Variants in FREM2 observed in about 807,000 individuals in gnomAD.
FREM2 encodes FRAS1-related extracellular matrix protein 2.
FREM2 carries 119 observed loss-of-function variants against 219.9 expected under a neutral mutation model. The observed-to-expected ratio is 0.54, with a 90% CI of 0.47 to 0.63. The LOEUF (loss-of-function observed/expected upper bound fraction) is 0.63. FREM2 is among the 30% of genes least tolerant of loss of function. The probability of loss-of-function intolerance (pLI) is 0.00; values close to 1 mark genes in which losing one functional copy is unlikely to be tolerated. For missense variants in FREM2, 4,030 were observed against 3,993.6 expected (o/e 1.01, Z -0.25); for synonymous variants, 1,562 against 1,522.8 (o/e 1.03, Z -0.60).
chr13:38,882,050 C>T lies in FREM2; in HGVS notation c.*1263C>T, dbSNP rs748335593. ...AGTGAACTGGTACAATGTGGTCCCT[C>T]TCAATATTTAAAAATATAATTTGTA... is the stretch of plus-strand genomic sequence containing the variant. On this transcript the variant is annotated 3_prime_UTR_variant, in exon 24 of 24. Transcript: ENST00000280481. 6.6e-6 allele frequency: 1 copy of T among 152,096 alleles called. No homozygotes were observed. Among genetic ancestry groups the T allele is most frequent in the African/African-American group, 2.4e-5 (1 of 41,416 alleles). The allele number at this position is 152,096 out of a possible 1,614,324, so 9.4% of individuals were successfully genotyped here.
chr13:38,848,213 C>T (rs925463563), intron 7 of FREM2, among the ~76,000 whole-genome samples: 4 of 152,076 alleles, frequency 2.6e-5, no homozygotes, highest in African/African-American at 9.7e-5. Context: ...GCACAGAAAG[C>T]TAAAATAATG....
chr13:38,752,936 T>C (rs991019952), intron 2 of FREM2, among the ~76,000 whole-genome samples: 58 of 152,204 alleles, frequency 3.8e-4, no homozygotes, highest in African/African-American at 1.4e-3. Flanking sequence ...ACAAAAGGAA[T>C]TAGGCTCTGG....
chr13:38,689,958 C>A lies in FREM2; in HGVS notation c.2614C>A (p.Pro872Thr), dbSNP rs755779564. 6.2e-7 allele frequency: 1 copy of A among 1,614,118 alleles called. No individual in the cohort carries two copies. The highest frequency in any genetic ancestry group is 1.1e-5 in the South Asian group (1 of 91,078). ...AHISFTLTQA[P>T]KHGHMRVSGQ... ...TATCTCTTTCACTCTCACTCAGGCA[C>A]CCAAACATGGCCACATGAGAGTGTC... The change falls in exon 1 of 24, where the codon CCC becomes ACC. Residue 872 changes from proline to threonine, a missense_variant. This residue lies in a region of FREM2 where 3,102 missense variants were observed against 2,950.7 expected (regional missense o/e 1.05). Transcript: ENST00000280481.
intron 6 of FREM2, among the ~76,000 whole-genome samples, chr13:38,794,156 A>C (rs557620534): frequency 2.0e-5 from 3 of 152,284 alleles, no homozygotes; most frequent in South Asian, 4.1e-4. Context: ...GAGACCTGCA[A>C]AAGTGGACCT....
At chr13:38,814,979 G>A (rs1216498944) in intron 6 of FREM2, among the ~76,000 whole-genome samples, 1 of 152,100 alleles carries the variant, frequency 6.6e-6, no homozygotes, top group Admixed American at 6.5e-5. Flanking sequence ...CTCCCCTCTG[G>A]CCCAGGGAAG....
At chr13:38,742,834 C>A (rs1000452269) in intron 2 of FREM2, among the ~76,000 whole-genome samples, 1 of 152,088 alleles carries the variant, frequency 6.6e-6, no homozygotes. Flanking sequence ...TCTACTGAAC[C>A]AACAACATGT....
chr13:38,736,043 G>C (rs1056260764), intron 2 of FREM2, among the ~76,000 whole-genome samples: 8 of 152,128 alleles, frequency 5.3e-5, no homozygotes, highest in Non-Finnish European at 8.8e-5. Flanking sequence ...GATCCCTTAG[G>C]CTGTGCGAAA....
rs1016334899 is a variant in FREM2 at position 38,864,498 on chromosome 13, C to G, written c.7875C>G (p.Arg2625=). The G allele has an allele frequency of 6.2e-7, 1 of 1,614,154 alleles. No homozygotes were observed. The highest frequency in any genetic ancestry group is 8.5e-7 in the Non-Finnish European group (1 of 1,179,980). The part of the protein sequence containing the change: ...SLSIRGSTTL[R]FYRNLNLEAC... ...CCATCAGAGGTTCCACTACCTTGCG[C>G]TTCTACCGGAACCTGAACCTAGAGG... The change falls in exon 16 of 24, where the codon CGC becomes CGG. Residue 2625 remains arginine, a synonymous_variant. Coordinates refer to ENST00000280481, the MANE Select transcript of FREM2 (RefSeq NM_207361.6).
In FREM2 at chr13:38,691,632, T is replaced by C. The variant is rs753366783; in HGVS notation, c.4288T>C (p.Ser1430Pro). Residue 1430 changes from serine to proline, a missense_variant, in exon 1 of 24, where the codon TCC becomes CCC. By Grantham distance (74) the Ser-to-Pro change is moderately conservative. This residue lies in a region of FREM2 where 3,102 missense variants were observed against 2,950.7 expected (regional missense o/e 1.05). Transcript: ENST00000280481. The part of the protein sequence containing the change: ...VFPDVISKGV[S>P]LKEGGKVTLT... ...CCCTGATGTGATAAGTAAGGGAGTGTCCTTGAAAGAAGGTGGCAAAGTCAC... is the reference window on the plus strand; with the variant it reads ...CCCTGATGTGATAAGTAAGGGAGTGCCCTTGAAAGAAGGTGGCAAAGTCAC... 10 of 1,614,086 alleles carry C rather than the reference T, an allele frequency of 6.2e-6. No individual in the cohort carries two copies. The highest frequency in any genetic ancestry group is 5.0e-5 in the Admixed American group (3 of 60,012).
At position 38,880,753 on chromosome 13, in the gene FREM2, C is replaced by T; in HGVS notation, c.9476C>T (p.Pro3159Leu). ...GSSSSEPMVP[P>L]QSHHNDSSEV ...AGCAGCAGTGAGCCCATGGTGCCCCCACAGAGCCATCACAATGACAGCTCA... is the reference window on the plus strand; with the variant it reads ...AGCAGCAGTGAGCCCATGGTGCCCCTACAGAGCCATCACAATGACAGCTCA... The change falls in exon 24 of 24, where the codon CCA becomes CTA. Residue 3159 changes from proline to leucine, a missense_variant. By Grantham distance (98) the Pro-to-Leu change is moderately conservative. This residue lies in a region of FREM2 where 928 missense variants were observed against 1,042.9 expected (regional missense o/e 0.89). Coordinates refer to ENST00000280481, the MANE Select transcript of FREM2 (RefSeq NM_207361.6). 6.2e-7 allele frequency: 1 copy of T among 1,614,154 alleles called. No individual in the cohort carries two copies. The highest frequency in any genetic ancestry group is 8.5e-7 in the Non-Finnish European group (1 of 1,180,028).
intron 4 of FREM2, among the ~76,000 whole-genome samples, chr13:38,771,986 TTGAG>T (rs890322487): frequency 1.5e-4 from 23 of 152,180 alleles, no homozygotes; most frequent in African/African-American, 5.3e-4. Flanking sequence ...TTTTAAGAAA[TTGAG>T]TATTTTTTTT....
chr13:38,818,053 G>A (rs1003492917), intron 6 of FREM2, among the ~76,000 whole-genome samples: 8 of 152,156 alleles, frequency 5.3e-5, no homozygotes, highest in South Asian at 2.1e-4. Context: ...TGAGAATGTG[G>A]AGAAAAGGGA....
At chr13:38,734,346 A>T (rs1376829898) in intron 2 of FREM2, among the ~76,000 whole-genome samples, 5 of 152,136 alleles carry the variant, frequency 3.3e-5, no homozygotes, top group African/African-American at 1.2e-4. Flanking sequence ...AAAAGAAAAG[A>T]CCCAGAGGAG....
chr13:38,870,257 T>C (rs922291128), intron 16 of FREM2, among the ~76,000 whole-genome samples: 1 of 152,196 alleles, frequency 6.6e-6, no homozygotes, highest in African/African-American at 2.4e-5. Flanking sequence ...CTCAATTATT[T>C]TGCAGGATAT....
At chr13:38,856,859 G>A (rs537304671) in intron 12 of FREM2, among the ~76,000 whole-genome samples, 18 of 152,022 alleles carry the variant, frequency 1.2e-4, no homozygotes, top group Admixed American at 7.9e-4. Context: ...TTAAAACTAC[G>A]TGTCTTTTTG....
chr13:38,851,633 A>G, intron 10 of FREM2, 53 bp from the exon 11 acceptor site: 1 of 1,326,552 alleles, frequency 7.5e-7, no homozygotes, highest in Non-Finnish European at 1.1e-6. Context: ...AAATGGAGGA[A>G]AAGCATTCCC....
chr13:38,827,075 C>A (rs911259744), intron 6 of FREM2, among the ~76,000 whole-genome samples: 2 of 152,064 alleles, frequency 1.3e-5, no homozygotes, highest in Admixed American at 6.6e-5. Context: ...AAAATGTTTA[C>A]ATGTCCAGAC....
intron 2 of FREM2, among the ~76,000 whole-genome samples, chr13:38,706,143 A>G (rs922205410): frequency 6.6e-6 from 1 of 152,296 alleles, no homozygotes; most frequent in South Asian, 2.1e-4. Context: ...CTCCTTTTTA[A>G]GGGTTGAAGT....
Position 38,689,846 on chromosome 13 carries a change from C to T in FREM2, c.2502C>T (p.Asn834=), listed in dbSNP as rs780799858. ...PVDNQPPEIL[N]TGFTIQEKGH... The stretch of plus-strand genomic sequence containing the variant: ...ACAACCAGCCACCTGAGATCCTCAA[C>T]ACCGGCTTCACTATTCAGGAGAAGG... Residue 834 remains asparagine (N), a synonymous_variant, in exon 1 of 24, where the codon AAC becomes AAT. Transcript: ENST00000280481. 1.9e-6 allele frequency: 3 copies of T among 1,614,158 alleles called. No homozygotes were observed. The highest frequency in any genetic ancestry group is 2.2e-5 in the East Asian group (1 of 44,868).
Sources: allele counts gnomAD v4.1 joint callset (sites outside exome capture counted in the v4.1 genomes callset), GRCh38; gene constraint gnomAD v4.1.1; regional missense constraint gnomAD v4.1.1; transcripts MANE v1.5; gene names NCBI Gene and HGNC (gene_info 2026-07-23, HGNC 2026-07-21).